CDH23: variants seen among roughly 807,000 people sequenced by gnomAD.
CDH23 encodes the protein cadherin-23.
A neutral mutation model predicts 317.1 loss-of-function variants in CDH23; 189 were observed. The ratio of observed to expected loss-of-function variants is 0.60; its 90% CI spans 0.53 to 0.67. The LOEUF (loss-of-function observed/expected upper bound fraction) is 0.67, where lower values mean the gene tolerates loss of function less well. Among genes scored for constraint, CDH23 ranks in the 30% least tolerant of loss-of-function variants. The pLI is 0.00. For synonymous variants in CDH23, 1,839 were observed against 1,876.8 expected (o/e 0.98, Z 0.52); for missense variants, 4,401 against 4,592.4 (o/e 0.96, Z 1.20).
At chr10:71,520,216 G>T (rs1164633439) in intron 6 of CDH23, among the ~76,000 whole-genome samples, 1 of 152,228 alleles carries the variant, frequency 6.6e-6, no homozygotes, top group East Asian at 1.9e-4. Flanking sequence ...ATTGGCTGAA[G>T]TCAGGGCATT....
chr10:71,408,619 G>A (rs1263716887), intron 1 of CDH23, among the ~76,000 whole-genome samples: 2 of 152,218 alleles, frequency 1.3e-5, no homozygotes, highest in Admixed American at 1.3e-4. Flanking sequence ...CCAGGCAGCT[G>A]ATCTGCCAAG....
chr10:71,692,335 CACAG>C (rs1452151916), intron 20 of CDH23, among the ~76,000 whole-genome samples: 2 of 152,200 alleles, frequency 1.3e-5, no homozygotes, highest in Admixed American at 1.3e-4. Flanking sequence ...CCTTTAATGA[CACAG>C]ACATTTTCTT....
At chr10:71,712,904 G>C in intron 28 of CDH23, 91 bp downstream of exon 28, 2 of 1,471,686 alleles carry the variant, frequency 1.4e-6, no homozygotes, top group Non-Finnish European at 9.3e-7. Flanking sequence ...TGGCACCAGA[G>C]GCGGAAGCAG....
intron 38 of CDH23, among the ~76,000 whole-genome samples, chr10:71,776,230 G>A (rs1840814729): frequency 6.6e-6 from 1 of 152,150 alleles, no homozygotes; most frequent in Non-Finnish European, 1.5e-5. Flanking sequence ...CCAAGATCCA[G>A]AGCTGCATAT....
At chr10:71,550,714 C>T (rs995966954) in intron 6 of CDH23, among the ~76,000 whole-genome samples, 4 of 152,162 alleles carry the variant, frequency 2.6e-5, no homozygotes, top group African/African-American at 9.7e-5. Context: ...GTTACTCTTT[C>T]CCCCACCGTC....
intron 1 of CDH23, among the ~76,000 whole-genome samples, chr10:71,432,450 T>C (rs1380330686): frequency 3.3e-5 from 5 of 151,218 alleles, no homozygotes; most frequent in African/African-American, 1.2e-4. Flanking sequence ...AGAGCGTGTG[T>C]GTGAGAGCAT....
At chr10:71,659,960 GTTT>G (rs5786047) in intron 14 of CDH23, among the ~76,000 whole-genome samples, 2 of 119,520 alleles carry the variant, frequency 1.7e-5, no homozygotes, top group African/African-American at 6.5e-5. Context: ...CTTTCTTTCC[GTTT>G]TTTTTTTTTT....
chr10:71,506,500 C>T (rs746338813), intron 3 of CDH23, among the ~76,000 whole-genome samples: 3 of 152,146 alleles, frequency 2.0e-5, no homozygotes, highest in Non-Finnish European at 4.4e-5. Context: ...GGCATGTGTA[C>T]CCCAGGGTCC....
intron 11 of CDH23, among the ~76,000 whole-genome samples, chr10:71,621,958 C>A (rs1861484618): frequency 6.6e-6 from 1 of 152,048 alleles, no homozygotes; most frequent in Admixed American, 6.6e-5. Context: ...AAACCAGCAA[C>A]AACCCATTTG....
chr10:71,718,039 G>T (rs1468646052), intron 28 of CDH23: 1 of 152,188 alleles, frequency 6.6e-6, no homozygotes, highest in Non-Finnish European at 1.5e-5. Flanking sequence ...ATCCCAGGGG[G>T]TCTGATAAAA....
intron 14 of CDH23, among the ~76,000 whole-genome samples, chr10:71,655,355 C>T (rs1863373383): frequency 1.3e-5 from 2 of 152,162 alleles, no homozygotes; most frequent in African/African-American, 4.8e-5. Context: ...ACCCCTCAAC[C>T]CTCAGCATTT....
intron 38 of CDH23, chr10:71,750,451 G>A (rs1046139960): frequency 6.6e-6 from 1 of 152,334 alleles, no homozygotes; most frequent in Non-Finnish European, 1.5e-5. Context: ...GAGGGCGGGG[G>A]GCAGGTGCCC....
chr10:71,620,889 G>A (rs1461911999), intron 11 of CDH23, among the ~76,000 whole-genome samples: 1 of 152,176 alleles, frequency 6.6e-6, no homozygotes, highest in Non-Finnish European at 1.5e-5. Context: ...AGTTGCTTTC[G>A]GCCCAGCCCT....
At chr10:71,784,538 G>A (rs1589419689) in intron 42 of CDH23, 118 bp downstream of exon 42, 1 of 1,374,642 alleles carries the variant, frequency 7.3e-7, no homozygotes, top group Non-Finnish European at 9.8e-7. Flanking sequence ...CCTGGAGCCA[G>A]GCCAGGCCTG....
chr10:71,612,763 G>A (rs1860978179), intron 9 of CDH23, among the ~76,000 whole-genome samples: 1 of 152,212 alleles, frequency 6.6e-6, no homozygotes, highest in Admixed American at 6.5e-5. Context: ...GAGGACCTCA[G>A]CCCCTACAGG....
chr10:71,498,151 G>A (rs763093706), intron 3 of CDH23, among the ~76,000 whole-genome samples: 3 of 152,194 alleles, frequency 2.0e-5, no homozygotes, highest in Non-Finnish European at 4.4e-5. Flanking sequence ...AGACAGCAGC[G>A]ATTTGCCCAT....
intron 6 of CDH23, among the ~76,000 whole-genome samples, chr10:71,517,936 C>T (rs557924712): frequency 8.5e-5 from 13 of 152,328 alleles, no homozygotes; most frequent in African/African-American, 2.6e-4. Context: ...TGGAGCCCTG[C>T]TCTCTTGCGG....
Position 71,784,442 on chromosome 10 carries a change from G to A in CDH23, c.5502+22G>A, listed in dbSNP as rs368286580. ...CACAGTGAGTCTGGGGGCCCCACCC[G>A]CTGGCTTCACCTCGCTGCCCCTGTA... is the stretch of plus-strand genomic sequence containing the variant. On this transcript the variant is annotated intron_variant, in intron 42 of 69. Coordinates refer to ENST00000224721, the MANE Select transcript of CDH23 (RefSeq NM_022124.6). 524 of 1,607,272 alleles carry A rather than the reference G, an allele frequency of 3.3e-4. 5 individuals are homozygous for A. In the South Asian group the frequency reaches 5.3e-3, roughly 16 times the overall value.
intron 7 of CDH23, 141 bp from the exon 8 acceptor site, chr10:71,570,649 A>C: frequency 2.2e-6 from 2 of 893,672 alleles, no homozygotes; most frequent in South Asian, 3.5e-5. Flanking sequence ...CTGGAGTGCA[A>C]GAGCATGGGT....
Sources: gnomAD v4.1 joint callset for allele counts (sites outside exome capture counted in the v4.1 genomes callset) on GRCh38, gnomAD v4.1.1 for gene constraint, MANE v1.5 for transcripts, NCBI Gene and HGNC (gene_info 2026-07-23, HGNC 2026-07-21) for gene names.